MED12: variants seen among roughly 807,000 people sequenced by gnomAD.
The protein encoded by MED12 is mediator complex subunit 12, also known as mediator of RNA polymerase II transcription subunit 12.
A neutral mutation model predicts 177.7 loss-of-function variants in MED12; 10 were observed. That is an observed-to-expected ratio of 0.06 (90% confidence interval 0.03 to 0.10). The LOEUF (loss-of-function observed/expected upper bound fraction) is 0.10, where lower values mean the gene tolerates loss of function less well. MED12 is among the 10% of genes least tolerant of loss of function. The probability of loss-of-function intolerance (pLI) is 1.00; values close to 1 mark genes in which losing one functional copy is unlikely to be tolerated. For missense variants in MED12, 867 were observed against 1,780.8 expected (o/e 0.49, Z 9.23); for synonymous variants, 641 against 678.4 (o/e 0.94, Z 0.86).
At chrX:71,141,134 C>T (rs2092346315) in intron 42 of MED12, 96 bp from the exon 43 acceptor site, 2 of 1,158,537 alleles carry the variant, frequency 1.7e-6, no homozygotes, top group African/African-American at 1.8e-5. Context: ...CCCCGAGCTC[C>T]CACCCTGCTT....
At position 71,122,269 on chromosome X, in the gene MED12, G is replaced by A; in HGVS notation, c.1171G>A (p.Gly391Ser). The change falls in exon 8 of 45, where the codon GGC becomes AGC. Residue 391 changes from glycine (G) to serine (S), a missense_variant. By Grantham distance (56) the Gly-to-Ser change is moderately conservative. Coordinates refer to ENST00000374080, the MANE Select transcript of MED12 (RefSeq NM_005120.3). ...YSLTDSRIKT[G>S]SPLDHLPIAP... ...ACTGACTGATAGCAGAATTAAGACC[G>A]GCTCACCACTTGACCACTTGCCTAT... 1.7e-6 allele frequency: 2 copies of A among 1,211,452 alleles called. No homozygotes were observed. Among genetic ancestry groups the A allele is most frequent in the Non-Finnish European group, 2.2e-6 (2 of 895,157 alleles).
At chrX:71,131,756 G>A in intron 29 of MED12, 135 bp downstream of exon 29, 3 of 636,858 alleles carry the variant, frequency 4.7e-6, no homozygotes, top group Non-Finnish European at 7.6e-6. Context: ...TGGGAAAATG[G>A]TGAACAAGTG....
chrX:71,135,168 A>T lies in MED12; in HGVS notation c.4940A>T (p.Asp1647Val). ...CTGCCACTGCCCAAGCAGACCCGAGATGTCATCACGTGTGAGCCACAGGGC... is the reference window on the plus strand; with the variant it reads ...CTGCCACTGCCCAAGCAGACCCGAGTTGTCATCACGTGTGAGCCACAGGGC... ...QLLPLPKQTR[D>V]VITCEPQGSL... The change falls in exon 36 of 45, where the codon GAT becomes GTT. Residue 1647 changes from aspartate (D) to valine (V), a missense_variant. Physicochemically the swap from Asp to Val is radical, Grantham distance 152 (BLOSUM62 -3). This residue lies in a region of MED12 where 36 missense variants were observed against 141.5 expected (regional missense o/e 0.25). Transcript: ENST00000374080. 8.3e-7 allele frequency: 1 copy of T among 1,211,448 alleles called. No individual in the cohort carries two copies. Among genetic ancestry groups the T allele is most frequent in the Non-Finnish European group, 1.1e-6 (1 of 895,378 alleles).
rs1270908634 is a variant in MED12 at position 71,119,489 on chromosome X, C to G, written c.204+12C>G. On this transcript the variant is annotated intron_variant, in intron 2 of 44. Transcript: ENST00000374080. Reference sequence around the variant, plus strand: ...TCAATCCTGCCAAGGTGAGACAACTCTGCCAGGCTGAAGGAAAAGGCTGGA... The same window carrying G: ...TCAATCCTGCCAAGGTGAGACAACTGTGCCAGGCTGAAGGAAAAGGCTGGA... 4 of 1,164,286 alleles carry G rather than the reference C, an allele frequency of 3.4e-6. No homozygotes were observed. The Admixed American group carries it at 9.5e-5, about 28-fold the overall frequency.
In MED12 at chrX:71,118,698, C is replaced by G. The variant is rs938924689; in HGVS notation, c.-57C>G. 4 of 1,116,698 alleles carry G rather than the reference C, an allele frequency of 3.6e-6. No homozygotes were observed. The African/African-American group carries it at 7.3e-5, about 20-fold the overall frequency. The allele number at this position is 1,116,698 out of a possible 1,213,427, so 92.0% of individuals were successfully genotyped here. A position where few individuals can be genotyped will look rare whatever the true frequency, so the allele number is the denominator to read the frequency against. ...CCTTTTCGGCTCCCTCTCCCCCTTC[C>G]CGTTCCCCCAGTCAGCCTGGCCCTG... On this transcript the variant is annotated 5_prime_UTR_variant, in exon 1 of 45. Coordinates refer to ENST00000374080, the MANE Select transcript of MED12 (RefSeq NM_005120.3).
At chrX:71,121,176 G>T (rs888346405) in intron 5 of MED12, 24 bp downstream of exon 5, 2 of 1,207,456 alleles carry the variant, frequency 1.7e-6, no homozygotes, top group Middle Eastern at 2.6e-4. Flanking sequence ...CATGCTGTGT[G>T]GGGCATTGGG....
chrX:71,121,525 G>A, intron 6 of MED12, 37 bp from the exon 7 acceptor site: 1 of 1,211,289 alleles, frequency 8.3e-7, no homozygotes, highest in Non-Finnish European at 1.1e-6. Context: ...GGGTCCCCTG[G>A]AGAGAACTAG....
chrX:71,129,928 C>T, intron 27 of MED12, 73 bp downstream of exon 27: 2 of 1,177,866 alleles, frequency 1.7e-6, no homozygotes, highest in Non-Finnish European at 2.3e-6. Flanking sequence ...CCCATGATCA[C>T]ACCAGCTCCC....
At position 71,141,265 on chromosome X, in the gene MED12, GCAGCAA is replaced by G. The variant is rs764789036; in HGVS notation, c.6315_6320del (p.Gln2114_Gln2115del). The G allele has an allele frequency of 1.6e-4, 188 of 1,159,273 alleles. No individual in the cohort carries two copies. The highest frequency in any genetic ancestry group is 2.3e-4 in the Middle Eastern group (1 of 4,267). Reference sequence around the variant, plus strand: ...AACAGCAACAGCAGCAGCAGCAGCAGCAGCAACAGCAACAGCAGCAGCAGCAACAGC... The same window carrying G: ...AACAGCAACAGCAGCAGCAGCAGCAGCAGCAACAGCAGCAGCAGCAACAGC... On this transcript the variant is annotated inframe_deletion, in exon 43 of 45. Coordinates refer to ENST00000374080, the MANE Select transcript of MED12 (RefSeq NM_005120.3).
intron 12 of MED12, 65 bp from the exon 13 acceptor site, chrX:71,124,094 C>T (rs2092296682): frequency 8.9e-6 from 8 of 901,936 alleles, no homozygotes; most frequent in Non-Finnish European, 1.3e-5. Flanking sequence ...TAGGTGTGTC[C>T]CTCTCTCTTT....
chrX:71,125,521 T>A (rs2147793731), intron 16 of MED12, 26 bp downstream of exon 16: 2 of 1,207,144 alleles, frequency 1.7e-6, no homozygotes, highest in Non-Finnish European at 2.2e-6. Context: ...CTTAAACAGA[T>A]CTCCCCCAAA....
chrX:71,119,275 C>T, intron 1 of MED12, 98 bp from the exon 2 acceptor site: 2 of 596,265 alleles, frequency 3.4e-6, no homozygotes, highest in East Asian at 7.1e-5. Context: ...CCTCCTCCTG[C>T]CCTTTCACCT....
intron 18 of MED12, 44 bp downstream of exon 18, chrX:71,126,198 G>A: frequency 8.5e-7 from 1 of 1,172,027 alleles, no homozygotes. Context: ...CTGGCCTCCT[G>A]TTCTGTTTTC....
Position 71,119,918 on chromosome X carries a change from A to C in MED12, c.396+41A>C, listed in dbSNP as rs2092285181. On this transcript the variant is annotated intron_variant, in intron 3 of 44. Coordinates refer to ENST00000374080, the MANE Select transcript of MED12 (RefSeq NM_005120.3). ...CTGTCCTTCAGGCCAAGGAGGGAGC[A>C]TGGGGTACCAAGTACCCTCCTATTC... 3.3e-6 allele frequency: 4 copies of C among 1,201,160 alleles called. No individual in the cohort carries two copies. The African/African-American group carries it at 5.3e-5, about 16-fold the overall frequency.
At chrX:71,129,054 A>G in intron 24 of MED12, 60 bp from the exon 25 acceptor site, 1 of 941,208 alleles carries the variant, frequency 1.1e-6, no homozygotes, top group Non-Finnish European at 1.5e-6. Flanking sequence ...GCACGCACAC[A>G]CATAAACCCA....
chrX:71,131,306 T>C (rs2092316830), intron 28 of MED12, among the ~76,000 whole-genome samples: 1 of 110,442 alleles, frequency 9.1e-6, no homozygotes, highest in Admixed American at 9.7e-5. Context: ...ATTTTTGTAT[T>C]TTTAGTAGAG....
At position 71,126,418 on chromosome X, in the gene MED12, G is replaced by T. The variant is rs763140070; in HGVS notation, c.2619G>T (p.Val873=). ...MSYHLPLVQH[V]QFIFDLMEYS... ...ACCACTTGCCTCTGGTGCAGCATGT[G>T]CAGTTCATCTTCGACCTCATGGAAT... The change falls in exon 19 of 45, where the codon GTG becomes GTT. Residue 873 remains valine, a synonymous_variant. Coordinates refer to ENST00000374080, the MANE Select transcript of MED12 (RefSeq NM_005120.3). The T allele has an allele frequency of 2.5e-6, 3 of 1,211,931 alleles. No individual in the cohort carries two copies. In the South Asian group the frequency reaches 5.3e-5, roughly 21 times the overall value.
At chrX:71,128,817 G>A in intron 24 of MED12, 99 bp downstream of exon 24, 2 of 1,032,307 alleles carry the variant, frequency 1.9e-6, no homozygotes, top group Non-Finnish European at 2.7e-6. Context: ...AGACCTTGCT[G>A]CGGCTCCCTG....
rs1317622485 is a variant in MED12, at chrX:71,121,653, G to T, written c.938G>T (p.Ser313Ile). 1 of 1,211,539 alleles carries T rather than the reference G, an allele frequency of 8.3e-7. No homozygotes were observed. ...RRLALQLDGV[S>I]SHSSHVISAQ... ...CTGGCCCTGCAGCTGGATGGTGTGA[G>T]CAGTCACTCATCTCATGTTATATCT... is the stretch of plus-strand genomic sequence containing the variant. The change falls in exon 7 of 45, where the codon AGC (serine) becomes ATC (isoleucine). Residue 313 changes from serine (S) to isoleucine (I), a missense_variant. This residue lies in a region of MED12 where 309 missense variants were observed against 556.3 expected (regional missense o/e 0.56). Transcript: ENST00000374080.
Sources: gnomAD v4.1 joint callset for allele counts (sites outside exome capture counted in the v4.1 genomes callset) on GRCh38, gnomAD v4.1.1 for gene constraint, gnomAD v4.1.1 regional missense constraint, MANE v1.5 for transcripts, NCBI Gene and HGNC (gene_info 2026-07-23, HGNC 2026-07-21) for gene names.